The following HSDL2 variants were observed in gnomAD, a reference collection of about 807,000 sequenced individuals.
The protein encoded by HSDL2 is hydroxysteroid dehydrogenase like 2.
Under a neutral mutation model 46.3 loss-of-function variants are expected in HSDL2, and 27 were observed. The ratio of observed to expected loss-of-function variants is 0.58; its 90% CI spans 0.43 to 0.80. The LOEUF (loss-of-function observed/expected upper bound fraction) is 0.80, where lower values mean the gene tolerates loss of function less well. Among genes scored for constraint, HSDL2 ranks in the 30% least tolerant of loss-of-function variants. HSDL2 has a pLI of 0.00. For missense variants in HSDL2, 451 were observed against 502.7 expected (o/e 0.90, Z 0.98); for synonymous variants, 153 against 163.6 (o/e 0.94, Z 0.50).
intron 2 of HSDL2, among the ~76,000 whole-genome samples, chr9:112,404,919 AAC>A (rs869231149): frequency 3.5e-5 from 4 of 115,772 alleles, no homozygotes; most frequent in African/African-American, 1.0e-4. Context: ...CAAAAAATAA[AAC>A]AGGGGACAGG....
In HSDL2 at chr9:112,459,564, A is replaced by T. The variant is rs752053469; in HGVS notation, c.1131A>T (p.Val377=). 2 of 1,613,484 alleles carry T rather than the reference A, an allele frequency of 1.2e-6. No homozygotes were observed. The highest frequency in any genetic ancestry group is 3.3e-5 in the Admixed American group (2 of 60,008). ...VVMSMTTDDF[V]KMFSGKLKPT... is the part of the protein sequence containing the mutation. The stretch of plus-strand genomic sequence containing the variant: ...TGAGTATGACTACTGATGACTTTGT[A>T]AAAATGTTTTCAGGTGAGTTTTCCA... Residue 377 remains valine, a synonymous_variant, in exon 10 of 11, where the codon GTA becomes GTT. Coordinates refer to ENST00000398805, the MANE Select transcript of HSDL2 (RefSeq NM_032303.5).
At chr9:112,404,273 C>A in intron 2 of HSDL2, 115 bp downstream of exon 2, 1 of 982,526 alleles carries the variant, frequency 1.0e-6, no homozygotes, top group Non-Finnish European at 1.5e-6. Flanking sequence ...ATAATTTTAT[C>A]TAGTGAAAGA....
intron 6 of HSDL2, among the ~76,000 whole-genome samples, chr9:112,420,327 A>C (rs1832090103): frequency 6.6e-6 from 1 of 152,018 alleles, no homozygotes; most frequent in Admixed American, 6.5e-5. Flanking sequence ...AACAGCAACA[A>C]AATATGTAAA....
At chr9:112,451,201 A>G (rs1350355882) in intron 8 of HSDL2, among the ~76,000 whole-genome samples, 1 of 152,218 alleles carries the variant, frequency 6.6e-6, no homozygotes, top group African/African-American at 2.4e-5. Flanking sequence ...GACCAAAAAA[A>G]ATAGATAAAT....
intron 1 of HSDL2, among the ~76,000 whole-genome samples, chr9:112,386,657 AC>A (rs1831224401): frequency 6.6e-6 from 1 of 151,586 alleles, no homozygotes; most frequent in African/African-American, 2.4e-5. Flanking sequence ...GGTGATGCAC[AC>A]CCGTGATCCT....
chr9:112,411,556 A>G (rs998777168), intron 4 of HSDL2, among the ~76,000 whole-genome samples: 7 of 152,284 alleles, frequency 4.6e-5, no homozygotes, highest in Middle Eastern at 3.4e-3. Context: ...TGCACCTGTT[A>G]CTGGACTATT....
At position 112,452,067 on chromosome 9, in the gene HSDL2, T is replaced by C. The variant is rs554089473; in HGVS notation, c.866-1946T>C. The stretch of plus-strand genomic sequence containing the variant: ...ATAAAGGGGTACACTGTAGTAAATT[T>C]TAAAACAATAATAAAACAGGCTAAA... On this transcript the variant is annotated intron_variant, in intron 8 of 10. Coordinates refer to ENST00000398805, the MANE Select transcript of HSDL2 (RefSeq NM_032303.5). Among the ~76,000 whole-genome samples, 49 of 152,298 alleles carry C rather than the reference T, an allele frequency of 3.2e-4. No homozygotes were observed. In the South Asian group the frequency reaches 0.01, roughly 32 times the overall value.
chr9:112,409,167 C>A, intron 4 of HSDL2, 146 bp downstream of exon 4: 1 of 425,286 alleles, frequency 2.4e-6, no homozygotes, highest in South Asian at 9.0e-5. Context: ...TTCATTCAGT[C>A]AATAGTATTT....
At position 112,402,827 on chromosome 9, in the gene HSDL2, A is replaced by G. The variant is rs77971801; in HGVS notation, c.18-1168A>G. 2.5e-3 allele frequency among the ~76,000 whole-genome samples: 382 copies of G among 152,226 alleles called. 4 individuals are homozygous for G. Among genetic ancestry groups the G allele is most frequent in the African/African-American group, 8.7e-3 (363 of 41,562 alleles). The stretch of plus-strand genomic sequence containing the variant: ...TCCCAGCTACTTGGGAGGCTGAAGC[A>G]GGAGAATTGTTTGAGGCTGAAGCAG... On this transcript the variant is annotated intron_variant, in intron 1 of 10. Coordinates refer to ENST00000398805, the MANE Select transcript of HSDL2 (RefSeq NM_032303.5).
intron 1 of HSDL2, among the ~76,000 whole-genome samples, chr9:112,383,066 A>G (rs189347596): frequency 6.8e-6 from 1 of 147,176 alleles, no homozygotes; most frequent in Non-Finnish European, 1.5e-5. Context: ...TTAAACCGAG[A>G]TCTTTCTTTC....
chr9:112,384,128 T>C (rs1233704735), intron 1 of HSDL2, among the ~76,000 whole-genome samples: 1 of 152,232 alleles, frequency 6.6e-6, no homozygotes, highest in Non-Finnish European at 1.5e-5. Flanking sequence ...CCAAATGAAG[T>C]TTAGAATAAT....
Position 112,470,410 on chromosome 9 carries a change from C to T in HSDL2, c.1145-22C>T, listed in dbSNP as rs1240094912. The T allele has an allele frequency of 2.0e-6, 3 of 1,491,640 alleles. No individual in the cohort carries two copies. The Admixed American group carries it at 5.1e-5, about 26-fold the overall frequency. The allele number at this position is 1,491,640 out of a possible 1,614,324, so 92.4% of individuals were successfully genotyped here. A position where few individuals can be genotyped will look rare whatever the true frequency, so the allele number is the denominator to read the frequency against. On this transcript the variant is annotated intron_variant, in intron 10 of 10. Transcript: ENST00000398805. ...TAAGGGCACTAATGGTTGCTTTTCC[C>T]TCTCTCATTTTCTCATTTTAGGGAA... is the stretch of plus-strand genomic sequence containing the variant.
chr9:112,393,196 G>A lies in HSDL2; in HGVS notation c.18-10799G>A, dbSNP rs185514498. Among the ~76,000 whole-genome samples the A allele has an allele frequency of 1.7e-3, 261 of 152,286 alleles. 1 individual carries two copies. The highest frequency in any genetic ancestry group is 6.2e-3 in the African/African-American group (256 of 41,558). On this transcript the variant is annotated intron_variant, in intron 1 of 10. Transcript: ENST00000398805. The stretch of plus-strand genomic sequence containing the variant: ...AGTCCAGAAAGACTTTCTGCCACCT[G>A]ACCTAACGCCTCAGCTCCAGGCACA...
chr9:112,454,457 A>C (rs1217159091), intron 9 of HSDL2, among the ~76,000 whole-genome samples: 1 of 151,828 alleles, frequency 6.6e-6, no homozygotes, highest in Non-Finnish European at 1.5e-5. Context: ...CCTCCCAATG[A>C]TTTTTATTTC....
intron 4 of HSDL2, among the ~76,000 whole-genome samples, chr9:112,410,625 T>C (rs1174618690): frequency 6.6e-6 from 1 of 152,202 alleles, no homozygotes; most frequent in African/African-American, 2.4e-5. Flanking sequence ...GTTACCTACA[T>C]TCAAAGTTTT....
intron 6 of HSDL2, among the ~76,000 whole-genome samples, chr9:112,432,731 C>T (rs941427416): frequency 3.3e-5 from 5 of 152,052 alleles, no homozygotes; most frequent in Non-Finnish European, 5.9e-5. Flanking sequence ...AGTCATGTTC[C>T]TTGTGGTGCA....
chr9:112,383,247 A>C (rs1474832501), intron 1 of HSDL2, among the ~76,000 whole-genome samples: 2 of 151,770 alleles, frequency 1.3e-5, no homozygotes, highest in Non-Finnish European at 2.9e-5. Flanking sequence ...TAATTTTTGT[A>C]ATTTTAGTAG....
chr9:112,380,691 T>C (rs2132579648), intron 1 of HSDL2, among the ~76,000 whole-genome samples: 1 of 152,344 alleles, frequency 6.6e-6, no homozygotes, highest in Non-Finnish European at 1.5e-5. Flanking sequence ...AAAATTGTGT[T>C]AAAATACGTA....
At chr9:112,392,925 A>G (rs1036999570) in intron 1 of HSDL2, among the ~76,000 whole-genome samples, 8 of 152,222 alleles carry the variant, frequency 5.3e-5, no homozygotes, top group African/African-American at 1.9e-4. Flanking sequence ...AATCTTCACA[A>G]TTTATATTCC....
Sources: gnomAD v4.1 joint callset for allele counts (sites outside exome capture counted in the v4.1 genomes callset) on GRCh38, gnomAD v4.1.1 for gene constraint, MANE v1.5 for transcripts, NCBI Gene and HGNC (gene_info 2026-07-23, HGNC 2026-07-21) for gene names.